The following KHDRBS2 variants were observed in gnomAD, a reference collection of about 807,000 sequenced individuals.
KHDRBS2 encodes the protein KH domain-containing, RNA-binding, signal transduction-associated protein 2.
KHDRBS2 carries 26 observed loss-of-function variants against 44.3 expected under a neutral mutation model. That is an observed-to-expected ratio of 0.59 (90% CI 0.43 to 0.81). KHDRBS2 has a LOEUF of 0.81. Ranked by LOEUF, KHDRBS2 falls within the 40% of genes least tolerant of loss-of-function variation. The probability of loss-of-function intolerance (pLI) is 0.00; values close to 1 mark genes in which losing one functional copy is unlikely to be tolerated. For synonymous variants in KHDRBS2, 194 were observed against 151.1 expected, an observed-to-expected ratio of 1.28 and a Z score of -2.08; for missense variants, 476 against 433.1, an observed-to-expected ratio of 1.10 and a Z score of -0.88.
rs57544300 is a variant in KHDRBS2 at position 61,861,264 on chromosome 6, G to A, written c.810+33371C>T. On this transcript the variant is annotated intron_variant, in intron 6 of 8. Transcript: ENST00000281156. ...TTTGCTTTTGTTGCAGTTGCTTTTG[G>A]TGTCTTTGTTATGAAATCTTTGCCT... 4.2e-3 allele frequency among the ~76,000 whole-genome samples: 640 copies of A among 152,152 alleles called. 9 individuals are homozygous for A. The highest frequency in any genetic ancestry group is 0.015 in the African/African-American group (614 of 41,518).
the KHDRBS2 span, among the ~76,000 whole-genome samples, chr6:61,628,210 CTTTTTTTTTTTTTTTTTT>C: frequency 1.1e-4 from 9 of 82,326 alleles, no homozygotes; most frequent in South Asian, 2.4e-3. Context: ...CATGTGTAGC[CTTTTTTTTTTTTTTTTTT>C]TTTTTTTTTT....
At chr6:62,061,587 C>A (rs1195981453) in intron 2 of KHDRBS2, among the ~76,000 whole-genome samples, 1 of 150,550 alleles carries the variant, frequency 6.6e-6, no homozygotes, top group Non-Finnish European at 1.5e-5. Context: ...CCCGAGCTTT[C>A]TCTCTGGCTG....
At chr6:61,564,011 C>T in the KHDRBS2 span, among the ~76,000 whole-genome samples, 2 of 152,170 alleles carry the variant, frequency 1.3e-5, no homozygotes, top group South Asian at 4.1e-4. Flanking sequence ...TAATACTCAT[C>T]ATATTCTGGT....
intron 2 of KHDRBS2, among the ~76,000 whole-genome samples, chr6:62,151,914 T>G (rs1815285072): frequency 6.6e-6 from 1 of 152,216 alleles, no homozygotes; most frequent in Non-Finnish European, 1.5e-5. Flanking sequence ...AAGTATGTGG[T>G]CTGGAGTCAG....
At chr6:61,788,309 T>G (rs1322078) in intron 6 of KHDRBS2, among the ~76,000 whole-genome samples, 57,286 of 151,246 alleles carry the variant, frequency 0.38, 12,024 homozygotes, top group African/African-American at 0.57. Context: ...TTCTAGCTTT[T>G]AAATAAGGTT....
At chr6:61,712,687 C>T (rs1182612682) in intron 7 of KHDRBS2, among the ~76,000 whole-genome samples, 1 of 151,782 alleles carries the variant, frequency 6.6e-6, no homozygotes, top group Admixed American at 6.6e-5. Context: ...ATAAAATTAT[C>T]TACTTCATTA....
In KHDRBS2 at chr6:62,021,244, T is replaced by C. The variant is rs547891893; in HGVS notation, c.336+26634A>G. Among the ~76,000 whole-genome samples, 15 of 151,612 alleles carry C rather than the reference T, an allele frequency of 9.9e-5. No homozygotes were observed. The East Asian group carries it at 1.4e-3, about 14-fold the overall frequency. On this transcript the variant is annotated intron_variant, in intron 3 of 8. Transcript: ENST00000281156. ...GACACATACAGGAGAACAAAAGACA[T>C]TGGGGTCTAAAAGAGGATGGAGGGT...
At chr6:62,255,316 A>G (rs1198643676) in intron 1 of KHDRBS2, among the ~76,000 whole-genome samples, 6 of 152,092 alleles carry the variant, frequency 3.9e-5, no homozygotes, top group Non-Finnish European at 8.8e-5. Flanking sequence ...TCCACATGAC[A>G]TATCAGAGGA....
At chr6:62,161,331 A>G (rs1404709849) in intron 2 of KHDRBS2, among the ~76,000 whole-genome samples, 2 of 151,790 alleles carry the variant, frequency 1.3e-5, no homozygotes, top group African/African-American at 4.8e-5. Context: ...TTAATTCATT[A>G]AACCATAAAT....
chr6:62,061,743 C>A (rs1216689567), intron 2 of KHDRBS2, among the ~76,000 whole-genome samples: 1 of 149,708 alleles, frequency 6.7e-6, no homozygotes, highest in Non-Finnish European at 1.5e-5. Flanking sequence ...TGGGGAAGTT[C>A]TCCTGGATAA....
chr6:62,008,731 C>T (rs1779738335), intron 3 of KHDRBS2, among the ~76,000 whole-genome samples: 1 of 152,166 alleles, frequency 6.6e-6, no homozygotes, highest in South Asian at 2.1e-4. Flanking sequence ...ATTGAATGGG[C>T]CTCACAAGAT....
At chr6:61,664,664 C>T in the KHDRBS2 span, among the ~76,000 whole-genome samples, 1 of 151,768 alleles carries the variant, frequency 6.6e-6, no homozygotes, top group East Asian at 2.0e-4. Context: ...TTGATAACTT[C>T]CTGCTAAGAA....
chr6:62,142,843 A>T (rs1813136394), intron 2 of KHDRBS2, among the ~76,000 whole-genome samples: 2 of 148,630 alleles, frequency 1.3e-5, no homozygotes, highest in African/African-American at 2.6e-5. Flanking sequence ...AGAAAGAAAA[A>T]ATATATATGG....
At chr6:61,687,613 T>A (rs1334992674) in intron 8 of KHDRBS2, among the ~76,000 whole-genome samples, 3 of 151,890 alleles carry the variant, frequency 2.0e-5, no homozygotes, top group African/African-American at 7.2e-5. Flanking sequence ...CTTTCTGCAA[T>A]CTTAAAACCA....
intron 4 of KHDRBS2, among the ~76,000 whole-genome samples, chr6:61,930,084 G>T (rs1406868553): frequency 2.6e-5 from 4 of 152,010 alleles, no homozygotes; most frequent in Admixed American, 6.6e-5. Flanking sequence ...GAGGGAGGGG[G>T]TTCATTGCCT....
Position 61,697,182 on chromosome 6 carries a change from GA to G in KHDRBS2, c.952+12del. The G allele has an allele frequency of 6.4e-7, 1 of 1,567,588 alleles. No individual in the cohort carries two copies. Among genetic ancestry groups the G allele is most frequent in the Non-Finnish European group, 8.8e-7 (1 of 1,137,950 alleles). ...GTTCCGATTTCACAGTTTTAGTAAAGAAAAGGTCTTACCGTAGCTGTCATAG... is the reference window on the plus strand; with the variant it reads ...GTTCCGATTTCACAGTTTTAGTAAAGAAAGGTCTTACCGTAGCTGTCATAG... On this transcript the variant is annotated intron_variant, in intron 8 of 8. Transcript: ENST00000281156.
At chr6:62,242,387 G>A (rs1480344056) in intron 1 of KHDRBS2, among the ~76,000 whole-genome samples, 1 of 152,054 alleles carries the variant, frequency 6.6e-6, no homozygotes, top group Non-Finnish European at 1.5e-5. Flanking sequence ...TGACATTTCA[G>A]GACAGGTAAT....
chr6:62,104,730 AG>A (rs1261196179), intron 2 of KHDRBS2, among the ~76,000 whole-genome samples: 1 of 152,148 alleles, frequency 6.6e-6, no homozygotes, highest in Non-Finnish European at 1.5e-5. Context: ...TTACAAATTA[AG>A]AAGTTGAAAA....
At chr6:61,811,019 G>A (rs1415473591) in intron 6 of KHDRBS2, among the ~76,000 whole-genome samples, 1 of 152,000 alleles carries the variant, frequency 6.6e-6, no homozygotes, top group Non-Finnish European at 1.5e-5. Flanking sequence ...GGGGTATATT[G>A]TATGATACTG....
Sources: gnomAD v4.1 joint callset for allele counts (sites outside exome capture counted in the v4.1 genomes callset) on GRCh38, gnomAD v4.1.1 for gene constraint, MANE v1.5 for transcripts, NCBI Gene and HGNC (gene_info 2026-07-23, HGNC 2026-07-21) for gene names.